ADAMTS3: variants seen among roughly 807,000 people sequenced by gnomAD.
ADAMTS3 encodes the protein A disintegrin and metalloproteinase with thrombospondin motifs 3.
ADAMTS3 carries 73 observed loss-of-function variants against 129.0 expected under a neutral mutation model. The observed-to-expected ratio is 0.57, with a 90% CI of 0.47 to 0.69. The LOEUF (loss-of-function observed/expected upper bound fraction) is 0.69. Ranked by LOEUF, ADAMTS3 falls within the 30% of genes least tolerant of loss-of-function variation. ADAMTS3 has a pLI of 0.00. For synonymous variants in ADAMTS3, 477 were observed against 510.8 expected (o/e 0.93, Z 0.89); for missense variants, 1,457 against 1,514.5 (o/e 0.96, Z 0.63).
chr4:72,399,726 G>GTA (rs143639383), intron 4 of ADAMTS3, among the ~76,000 whole-genome samples: 2 of 7,436 alleles, frequency 2.7e-4, no homozygotes, highest in Non-Finnish European at 5.9e-4. Flanking sequence ...GCATATGTGT[G>GTA]TATATACACA....
In ADAMTS3 at chr4:72,321,880, C is replaced by A. The variant is rs549332022; in HGVS notation, c.946-1010G>T. On this transcript the variant is annotated intron_variant, in intron 6 of 21. Coordinates refer to ENST00000286657, the MANE Select transcript of ADAMTS3 (RefSeq NM_014243.3). Reference sequence around the variant, plus strand: ...AGTTCTTTGAATGTTGCTACCATCACATTAGGGTCAGGAGTTAAAAGTTCA... The same window carrying A: ...AGTTCTTTGAATGTTGCTACCATCAAATTAGGGTCAGGAGTTAAAAGTTCA... Among the ~76,000 whole-genome samples, 6 of 152,124 alleles carry A rather than the reference C, an allele frequency of 3.9e-5. No individual in the cohort carries two copies. The South Asian group carries it at 1.2e-3, about 32-fold the overall frequency.
intron 3 of ADAMTS3, among the ~76,000 whole-genome samples, chr4:72,503,461 C>T (rs1036929686): frequency 6.6e-6 from 1 of 152,074 alleles, no homozygotes; most frequent in African/African-American, 2.4e-5. Context: ...CCACTGTGGT[C>T]TGAGATTATA....
intron 5 of ADAMTS3, among the ~76,000 whole-genome samples, chr4:72,334,436 A>G (rs1188625929): frequency 6.6e-6 from 1 of 152,178 alleles, no homozygotes; most frequent in Non-Finnish European, 1.5e-5. Context: ...AGGCTTAATA[A>G]TATACAGTAA....
chr4:72,550,757 A>G (rs907512912), intron 2 of ADAMTS3, among the ~76,000 whole-genome samples: 5 of 152,130 alleles, frequency 3.3e-5, no homozygotes, highest in African/African-American at 1.2e-4. Context: ...AACTCAAAAT[A>G]TAAGAGAATG....
At chr4:72,288,982 C>A (rs1475204293) in intron 20 of ADAMTS3, 114 bp from the exon 21 acceptor site, 1 of 672,790 alleles carries the variant, frequency 1.5e-6, no homozygotes, top group South Asian at 1.9e-5. Context: ...ACACAGAGAT[C>A]TGGAGTGGGT....
chr4:72,305,878 A>G, intron 16 of ADAMTS3, 109 bp downstream of exon 16: 1 of 899,578 alleles, frequency 1.1e-6, no homozygotes, highest in South Asian at 1.5e-5. Context: ...ATGTACATAT[A>G]CGTATGCACA....
chr4:72,304,304 T>C (rs1205190874), intron 16 of ADAMTS3, among the ~76,000 whole-genome samples: 1 of 152,094 alleles, frequency 6.6e-6, no homozygotes. Flanking sequence ...AGCAAGATGG[T>C]TAAATAGGCA....
chr4:72,400,918 T>TAC (rs1721897282), intron 4 of ADAMTS3, among the ~76,000 whole-genome samples: 1 of 150,220 alleles, frequency 6.7e-6, no homozygotes, highest in African/African-American at 2.4e-5. Flanking sequence ...ATTGGACATA[T>TAC]ATATATATAC....
chr4:72,518,240 G>A (rs538095686), intron 3 of ADAMTS3, among the ~76,000 whole-genome samples: 60 of 152,180 alleles, frequency 3.9e-4, no homozygotes, highest in African/African-American at 1.4e-3. Context: ...ATTTGCTGAG[G>A]AGACCTTTAC....
At chr4:72,394,069 T>C (rs1721666853) in intron 4 of ADAMTS3, among the ~76,000 whole-genome samples, 1 of 152,146 alleles carries the variant, frequency 6.6e-6, no homozygotes, top group Admixed American at 6.5e-5. Context: ...TCAAGCACTA[T>C]AAAGGTCTCT....
At chr4:72,293,874 T>C (rs1718739608) in intron 19 of ADAMTS3, among the ~76,000 whole-genome samples, 2 of 152,034 alleles carry the variant, frequency 1.3e-5, no homozygotes, top group South Asian at 4.1e-4. Flanking sequence ...ACATTGCATC[T>C]GTGAAATAAA....
At chr4:72,390,021 G>C (rs1439472624) in intron 4 of ADAMTS3, among the ~76,000 whole-genome samples, 3 of 152,150 alleles carry the variant, frequency 2.0e-5, no homozygotes, top group African/African-American at 4.8e-5. Flanking sequence ...GAAAAGGAGA[G>C]GGGAAGCGGA....
intron 3 of ADAMTS3, among the ~76,000 whole-genome samples, chr4:72,481,219 G>C (rs1233131967): frequency 6.6e-6 from 1 of 152,100 alleles, no homozygotes; most frequent in African/African-American, 2.4e-5. Context: ...AATTGATACA[G>C]AAAGGTGGAA....
intron 7 of ADAMTS3, among the ~76,000 whole-genome samples, chr4:72,320,250 G>A (rs1719517640): frequency 6.6e-6 from 1 of 152,084 alleles, no homozygotes; most frequent in African/African-American, 2.4e-5. Flanking sequence ...TTTAGTAAAT[G>A]GTCCTTCATA....
intron 3 of ADAMTS3, among the ~76,000 whole-genome samples, chr4:72,530,373 A>G (rs1720975881): frequency 3.5e-5 from 3 of 86,292 alleles, no homozygotes; most frequent in Non-Finnish European, 4.0e-5. Context: ...TAAATATAAT[A>G]TATAATATAT....
At chr4:72,362,085 A>G (rs1471228549) in intron 4 of ADAMTS3, among the ~76,000 whole-genome samples, 2 of 152,094 alleles carry the variant, frequency 1.3e-5, no homozygotes, top group African/African-American at 4.8e-5. Flanking sequence ...CTTGTCAGTT[A>G]CCCAGGCCCA....
At chr4:72,312,216 T>C in intron 13 of ADAMTS3, 75 bp downstream of exon 13, 4 of 1,527,242 alleles carry the variant, frequency 2.6e-6, no homozygotes, top group Middle Eastern at 2.2e-4. Context: ...CAAGAGTCCA[T>C]GGGGTTCGTG....
chr4:72,318,661 G>A lies in ADAMTS3; in HGVS notation c.1396C>T (p.Pro466Ser). The A allele has an allele frequency of 6.2e-7, 1 of 1,613,654 alleles. No individual in the cohort carries two copies. Among genetic ancestry groups the A allele is most frequent in the Non-Finnish European group, 8.5e-7 (1 of 1,179,790 alleles). ...ATTCCAGGAAGTTCTGGGAGTTTAG[G>A]CCAATCATGATCAAAAGGGTCATCA... Reference protein sequence around the residue: ...LLDDPFDHDWPKLPELPGINY... With the variant: ...LLDDPFDHDWSKLPELPGINY... Residue 466 changes from proline to serine, a missense_variant, in exon 10 of 22, where the codon CCT becomes TCT. Pro to Ser is a moderately conservative substitution (Grantham distance 74). Transcript: ENST00000286657.
At chr4:72,475,925 A>G (rs1719218058) in intron 3 of ADAMTS3, among the ~76,000 whole-genome samples, 1 of 152,090 alleles carries the variant, frequency 6.6e-6, no homozygotes, top group Admixed American at 6.5e-5. Flanking sequence ...AATACATTCA[A>G]ATGAATAAAA....
Sources: gnomAD v4.1 joint callset for allele counts (sites outside exome capture counted in the v4.1 genomes callset) on GRCh38, gnomAD v4.1.1 for gene constraint, MANE v1.5 for transcripts, NCBI Gene and HGNC (gene_info 2026-07-23, HGNC 2026-07-21) for gene names.